CYP4B1: variants seen among roughly 807,000 people sequenced by gnomAD.
CYP4B1 encodes cytochrome P450 4B1.
A neutral mutation model predicts 54.0 loss-of-function variants in CYP4B1; 45 were observed. That is an observed-to-expected ratio of 0.83 (90% confidence interval 0.66 to 1.07). The LOEUF (loss-of-function observed/expected upper bound fraction) is 1.07, where lower values mean the gene tolerates loss of function less well. Ranked by LOEUF, CYP4B1 falls within the 50% of genes least tolerant of loss-of-function variation. The pLI is 0.00. For missense variants in CYP4B1, 656 were observed against 655.4 expected, an observed-to-expected ratio of 1.00 and a Z score of -0.01; for synonymous variants, 248 against 247.5, an observed-to-expected ratio of 1.00 and a Z score of -0.02.
chr1:46,806,255 G>A (rs1448943207), intron 1 of CYP4B1, among the ~76,000 whole-genome samples: 2 of 152,164 alleles, frequency 1.3e-5, no homozygotes, highest in Non-Finnish European at 2.9e-5. Flanking sequence ...ACATGCTGCC[G>A]AAAAGGAAAC....
At position 46,818,653 on chromosome 1, in the gene CYP4B1, G is replaced by T. The variant is rs917699077; in HGVS notation, c.1378G>T (p.Ala460Ser). 6.2e-7 allele frequency: 1 copy of T among 1,614,206 alleles called. No individual in the cohort carries two copies. Residue 460 changes from alanine (A) to serine (S), a missense_variant, in exon 12 of 12, where the codon GCC (alanine) becomes TCC (serine). Physicochemically the swap from Ala to Ser is moderately conservative, Grantham distance 99. Transcript: ENST00000371923. Reference sequence around the variant, plus strand: ...CAGGAACTGCATTGGGCAGCAGTTTGCCATGAGTGAGATGAAGGTGGTCAC... The same window carrying T: ...CAGGAACTGCATTGGGCAGCAGTTTTCCATGAGTGAGATGAAGGTGGTCAC... ...GPRNCIGQQFAMSEMKVVTAM... is the reference protein window; with the variant it reads ...GPRNCIGQQFSMSEMKVVTAM...
In CYP4B1 at chr1:46,810,414, C is replaced by T. The variant is rs543966463; in HGVS notation, c.181-394C>T. 3.4e-3 allele frequency among the ~76,000 whole-genome samples: 525 copies of T among 152,256 alleles called. 4 individuals are homozygous for T. The highest frequency in any genetic ancestry group is 0.012 in the African/African-American group (493 of 41,560). ...CTCAATAAAAATGTGTTGAACGATACGGCAGGGGTGGAATTGAGGCCATTT... is the reference window on the plus strand; with the variant it reads ...CTCAATAAAAATGTGTTGAACGATATGGCAGGGGTGGAATTGAGGCCATTT... On this transcript the variant is annotated intron_variant, in intron 1 of 11. Coordinates refer to ENST00000371923, the MANE Select transcript of CYP4B1 (RefSeq NM_001099772.2).
chr1:46,801,815 T>C lies in CYP4B1; in HGVS notation c.180+2554T>C, dbSNP rs538711754. ...AGGTCGAGACTGGGCCCAGGACTTC[T>C]GCATTTTAATTCGTAATGTTGTCAG... On this transcript the variant is annotated intron_variant, in intron 1 of 11. Transcript: ENST00000371923. 3.3e-5 allele frequency among the ~76,000 whole-genome samples: 5 copies of C among 152,330 alleles called. No homozygotes were observed. In the South Asian group the frequency reaches 8.3e-4, roughly 25 times the overall value.
Position 46,810,685 on chromosome 1 carries a change from G to A in CYP4B1, c.181-123G>A, listed in dbSNP as rs373540705. 33 of 939,388 alleles carry A rather than the reference G, an allele frequency of 3.5e-5. No individual in the cohort carries two copies. The East Asian group carries it at 7.0e-4, about 20-fold the overall frequency. 58.2% of individuals were successfully genotyped at this position (939,388 alleles called of 1,614,324 possible). A position where few individuals can be genotyped will look rare whatever the true frequency, so the allele number is the denominator to read the frequency against. The stretch of plus-strand genomic sequence containing the variant: ...GGGATGTTTAGGAGAAGAGGGTGCA[G>A]GAGAGGTAAGGAAGCAACCAGGGCC... On this transcript the variant is annotated intron_variant, in intron 1 of 11. Transcript: ENST00000371923.
intron 1 of CYP4B1, among the ~76,000 whole-genome samples, chr1:46,800,975 C>T (rs760803595): frequency 3.9e-5 from 6 of 152,178 alleles, no homozygotes; most frequent in Non-Finnish European, 5.9e-5. Flanking sequence ...TTGATCTCAG[C>T]ACCTGTCCTG....
At chr1:46,817,939 G>T in intron 9 of CYP4B1, 26 bp from the exon 10 acceptor site, 3 of 1,612,988 alleles carry the variant, frequency 1.9e-6, no homozygotes, top group Non-Finnish European at 2.5e-6. Flanking sequence ...GGACTACCTG[G>T]TCACCAACCT....
chr1:46,815,540 C>T (rs1029948154), intron 8 of CYP4B1: 19 of 294,510 alleles, frequency 6.5e-5, no homozygotes, highest in African/African-American at 2.8e-4. Context: ...CTTCTTCTGA[C>T]GGTAGAACCT....
chr1:46,799,786 T>C (rs1265288775), intron 1 of CYP4B1, among the ~76,000 whole-genome samples: 2 of 152,248 alleles, frequency 1.3e-5, no homozygotes, highest in Non-Finnish European at 2.9e-5. Flanking sequence ...GCCATGCCTA[T>C]GGGTGGCTCA....
intron 9 of CYP4B1, chr1:46,817,450 T>C: frequency 2.0e-6 from 1 of 510,624 alleles, no homozygotes; most frequent in Non-Finnish European, 3.5e-6. Context: ...AAGGCTGCCA[T>C]GTACCACCAT....
In CYP4B1 at chr1:46,800,367, C is replaced by G. The variant is rs114914486; in HGVS notation, c.180+1106C>G. ...TTTTTTTGATGGGGAGTTTTGCTCT[C>G]TCTCCCAGGCTGGGGTGCAGTGGCG... On this transcript the variant is annotated intron_variant, in intron 1 of 11. Coordinates refer to ENST00000371923, the MANE Select transcript of CYP4B1 (RefSeq NM_001099772.2). Among the ~76,000 whole-genome samples the G allele has an allele frequency of 7.7e-3, 1,162 of 150,120 alleles. 23 individuals carry two copies. The highest frequency in any genetic ancestry group is 0.026 in the African/African-American group (1,041 of 40,548).
At chr1:46,815,796 T>C (rs2148410760) in intron 8 of CYP4B1, among the ~76,000 whole-genome samples, 1 of 152,330 alleles carries the variant, frequency 6.6e-6, no homozygotes, top group Non-Finnish European at 1.5e-5. Context: ...ACTGAACTCC[T>C]AAACACTTAA....
At chr1:46,799,822 A>G (rs1678539405) in intron 1 of CYP4B1, among the ~76,000 whole-genome samples, 2 of 152,240 alleles carry the variant, frequency 1.3e-5, no homozygotes, top group Non-Finnish European at 2.9e-5. Flanking sequence ...TCCCAGGTTC[A>G]GATCATGGTT....
At chr1:46,803,470 G>A (rs540227545) in intron 1 of CYP4B1, among the ~76,000 whole-genome samples, 3 of 152,294 alleles carry the variant, frequency 2.0e-5, no homozygotes, top group African/African-American at 4.8e-5. Flanking sequence ...TCTGTTAATT[G>A]GAGGCATCAA....
At chr1:46,817,611 G>A (rs555838093) in intron 9 of CYP4B1, among the ~76,000 whole-genome samples, 8 of 152,046 alleles carry the variant, frequency 5.3e-5, no homozygotes, top group Non-Finnish European at 8.8e-5. Context: ...AATGATAGCT[G>A]TTACTGTTGG....
In CYP4B1 at chr1:46,799,197, T is replaced by A; in HGVS notation, c.116T>A (p.Leu39Ter). The change falls in exon 1 of 12, where the codon TTG (leucine) becomes TAG (stop). Residue 39 changes from leucine to a stop codon, truncating the protein, a stop_gained. Coordinates refer to ENST00000371923, the MANE Select transcript of CYP4B1 (RefSeq NM_001099772.2). LOFTEE classifies it high-confidence loss of function. Reference protein sequence around the residue: ...LIHLLLRRQTLAKAMDKFPGP... With the variant: ...LIHLLLRRQT ...CACCTGCTGCTGCGGAGGCAGACGTTGGCTAAGGCTATGGACAAATTCCCA... is the reference window on the plus strand; with the variant it reads ...CACCTGCTGCTGCGGAGGCAGACGTAGGCTAAGGCTATGGACAAATTCCCA... 1.2e-6 allele frequency: 2 copies of A among 1,609,458 alleles called. No homozygotes were observed. Among genetic ancestry groups the A allele is most frequent in the South Asian group, 2.2e-5 (2 of 89,908 alleles).
intron 4 of CYP4B1, 87 bp downstream of exon 4, chr1:46,812,710 G>A (rs1679161951): frequency 1.4e-6 from 2 of 1,472,666 alleles, no homozygotes; most frequent in African/African-American, 2.8e-5. Flanking sequence ...GAGAGTAGGT[G>A]GTGCTCTGCA....
chr1:46,817,932 C>G, intron 9 of CYP4B1, 33 bp from the exon 10 acceptor site: 2 of 1,609,152 alleles, frequency 1.2e-6, no homozygotes, highest in Non-Finnish European at 1.7e-6. Context: ...CTACCCAGGA[C>G]TACCTGGTCA....
intron 5 of CYP4B1, 124 bp downstream of exon 5, chr1:46,813,730 C>T (rs768469079): frequency 7.3e-5 from 108 of 1,473,070 alleles, no homozygotes; most frequent in Non-Finnish European, 8.8e-5. Context: ...CCTTAGCTTG[C>T]GGGGAGACAG....
At chr1:46,809,095 T>G (rs1399607588) in intron 1 of CYP4B1, among the ~76,000 whole-genome samples, 1 of 150,526 alleles carries the variant, frequency 6.6e-6, no homozygotes, top group African/African-American at 2.5e-5. Context: ...AATGTGCACA[T>G]GTACCCTAAA....
Sources: gnomAD v4.1 joint callset for allele counts (sites outside exome capture counted in the v4.1 genomes callset) on GRCh38, gnomAD v4.1.1 for gene constraint, MANE v1.5 for transcripts, NCBI Gene and HGNC (gene_info 2026-07-23, HGNC 2026-07-21) for gene names.